Variants in RIF1 observed in about 807,000 individuals in gnomAD.
The protein encoded by RIF1 is telomere-associated protein RIF1.
Under a neutral mutation model 247.1 loss-of-function variants are expected in RIF1, and 45 were observed. The observed-to-expected ratio is 0.18, with a 90% CI of 0.14 to 0.23. RIF1 has a LOEUF of 0.23. RIF1 is among the 10% of genes least tolerant of loss of function. The pLI is 1.00. For synonymous variants in RIF1, 1,087 were observed against 978.8 expected (o/e 1.11, Z -2.06); for missense variants, 2,967 against 2,862.5 (o/e 1.04, Z -0.83).
At chr2:151,497,944 G>GTTATT (rs2061421650) in intron 10 of RIF1, 2 of 1,444,072 alleles carry the variant, frequency 1.4e-6, no homozygotes, top group African/African-American at 1.4e-5. Context: ...AGTTATCCAT[G>GTTATT]TTATTTTTTT....
chr2:151,432,109 A>G (rs1690261458), intron 9 of RIF1, among the ~76,000 whole-genome samples: 1 of 152,036 alleles, frequency 6.6e-6, no homozygotes, highest in Non-Finnish European at 1.5e-5. Context: ...CCTGGGTCCA[A>G]GCGAGTCTCC....
At position 151,468,680 on chromosome 2, in the gene RIF1, G is replaced by C. The variant is rs1351331382; in HGVS notation, c.6865G>C (p.Glu2289Gln). The C allele has an allele frequency of 1.2e-6, 2 of 1,613,936 alleles. No individual in the cohort carries two copies. The highest frequency in any genetic ancestry group is 1.7e-6 in the Non-Finnish European group (2 of 1,179,936). Residue 2289 changes from glutamate to glutamine, a missense_variant, in exon 33 of 36, where the codon GAA (glutamate) becomes CAA (glutamine). Physicochemically the swap from Glu to Gln is conservative, Grantham distance 29 (BLOSUM62 2). Around this residue, in one of 7 missense-constraint regions of RIF1, gnomAD observed 2,028 missense variants for 1,825.6 expected, o/e 1.11. Coordinates refer to ENST00000444746, the MANE Select transcript of RIF1 (RefSeq NM_018151.5). ...MAKESIPCPT[E>Q]SVYPPLVNCV... Reference sequence around the variant, plus strand: ...CAAAGAATCCATACCATGCCCAACAGAAAGTGTTTACCCACCATTGGTGAA... The same window carrying C: ...CAAAGAATCCATACCATGCCCAACACAAAGTGTTTACCCACCATTGGTGAA...
chr2:151,426,219 G>A (rs1689075090), intron 8 of RIF1, among the ~76,000 whole-genome samples: 1 of 115,490 alleles, frequency 8.7e-6, no homozygotes, highest in East Asian at 2.8e-4. Flanking sequence ...GTGTCGCCCA[G>A]GCTGGAGTGC....
intron 18 of RIF1, 115 bp from the exon 19 acceptor site, chr2:151,445,223 G>A (rs1693043971): frequency 1.5e-6 from 1 of 684,476 alleles, no homozygotes; most frequent in African/African-American, 1.8e-5. Flanking sequence ...AACTTATTTT[G>A]AATCTCATCA....
rs751681465 is a variant in RIF1 at position 151,464,448 on chromosome 2, CTGA to C, written c.4933_4935del (p.Asp1645del). On this transcript the variant is annotated inframe_deletion, in exon 30 of 36. Coordinates refer to ENST00000444746, the MANE Select transcript of RIF1 (RefSeq NM_018151.5). ...GTAACTTCAGATTTGTTGCAAGTTC[CTGA>C]TGATTTACCAAATGTGTGTGAGGAA... The C allele has an allele frequency of 3.1e-6, 5 of 1,613,602 alleles. No homozygotes were observed. The highest frequency in any genetic ancestry group is 1.1e-5 in the South Asian group (1 of 90,876).
At position 151,477,262 on chromosome 2, in the gene RIF1, T is replaced by A. The variant is rs1185696727; in HGVS notation, c.*2191T>A. On this transcript the variant is annotated 3_prime_UTR_variant, in exon 36 of 36. Coordinates refer to ENST00000444746, the MANE Select transcript of RIF1 (RefSeq NM_018151.5). ...TAATATTCCATGATTAGCTCTACTG[T>A]GTTGTCTCACTATTAAAATGGAATT... The A allele has an allele frequency of 6.6e-6, 1 of 152,232 alleles. No homozygotes were observed. Among genetic ancestry groups the A allele is most frequent in the African/African-American group, 2.4e-5 (1 of 41,472 alleles). The allele number at this position is 152,232 out of a possible 1,614,324, so 9.4% of individuals were successfully genotyped here.
At chr2:151,411,429 T>C (rs1276415015) in intron 3 of RIF1, 91 bp downstream of exon 3, 1 of 809,614 alleles carries the variant, frequency 1.2e-6, no homozygotes, top group Non-Finnish European at 2.0e-6. Context: ...GTAGTTTTGC[T>C]CTTGTTGCCC....
chr2:151,437,056 A>C, intron 12 of RIF1, 53 bp downstream of exon 12: 2 of 1,472,052 alleles, frequency 1.4e-6, no homozygotes, highest in Admixed American at 4.0e-5. Context: ...CTAGGACTTA[A>C]TGCATTGGGG....
chr2:151,509,652 G>A (rs1051577753), downstream of RIF1, among the ~76,000 whole-genome samples: 2 of 151,984 alleles, frequency 1.3e-5, no homozygotes, highest in African/African-American at 4.8e-5. Context: ...TTTTTGAGGC[G>A]GAGTTTCGCA....
intron 3 of RIF1, among the ~76,000 whole-genome samples, 198 bp from the exon 4 acceptor site, chr2:151,414,623 CCT>C (rs1317755008): frequency 5.3e-5 from 8 of 152,140 alleles, no homozygotes; most frequent in African/African-American, 1.7e-4. Context: ...GATCCAGTTT[CCT>C]CTCCTTTCTT....
intron 20 of RIF1, among the ~76,000 whole-genome samples, chr2:151,446,945 C>CTTT (rs71403169): frequency 8.7e-5 from 12 of 137,650 alleles, no homozygotes; most frequent in African/African-American, 1.4e-4. Context: ...TTTTCTCTTT[C>CTTT]TTTTTTTTTT....
At position 151,500,467 on chromosome 2, in the gene RIF1, A is replaced by G. The variant is rs373946062; in HGVS notation, c.*709+927A>G. On this transcript the variant is annotated intron_variant and NMD_transcript_variant, in intron 11 of 13. Coordinates refer to the RIF1 transcript ENST00000454583. ...TTAGAGTTTTTCAGCAACAATATTA[A>G]TAAAAGATAACATTAAATATAAGCT... Among the ~76,000 whole-genome samples the G allele has an allele frequency of 1.4e-4, 21 of 152,256 alleles. No homozygotes were observed. The East Asian group carries it at 2.7e-3, about 20-fold the overall frequency.
the RIF1 span, among the ~76,000 whole-genome samples, chr2:151,528,571 C>T: frequency 6.6e-6 from 1 of 152,210 alleles, no homozygotes; most frequent in African/African-American, 2.4e-5. Context: ...CCAGCTCCTA[C>T]AGGGATTCCA....
Position 151,410,500 on chromosome 2 carries a change from A to G in RIF1, c.77A>G (p.Gln26Arg). The G allele has an allele frequency of 6.2e-7, 1 of 1,614,000 alleles. No individual in the cohort carries two copies. Among genetic ancestry groups the G allele is most frequent in the Non-Finnish European group, 8.5e-7 (1 of 1,179,978 alleles). The change falls in exon 2 of 36, where the codon CAG becomes CGG. Residue 26 changes from glutamine (Q) to arginine (R), a missense_variant. Physicochemically the swap from Gln to Arg is conservative, Grantham distance 43. Coordinates refer to ENST00000444746, the MANE Select transcript of RIF1 (RefSeq NM_018151.5). Reference protein sequence around the residue: ...LEDPSASHGGQTDAYLTLTSR... With the variant: ...LEDPSASHGGRTDAYLTLTSR... ...GACCCTTCTGCCTCCCATGGAGGGC[A>G]GACTGACGCTTACCTGACTCTGACC... is the stretch of plus-strand genomic sequence containing the variant.
At chr2:151,488,910 A>G (rs996603962) in intron 9 of RIF1, among the ~76,000 whole-genome samples, 1 of 152,134 alleles carries the variant, frequency 6.6e-6, no homozygotes. Flanking sequence ...TTTTGTATCT[A>G]TTGCCATGCT....
chr2:151,430,528 G>A (rs1356108438), intron 9 of RIF1, among the ~76,000 whole-genome samples: 3 of 151,990 alleles, frequency 2.0e-5, no homozygotes, highest in Non-Finnish European at 4.4e-5. Context: ...CACCATACTG[G>A]CCAGGCTGGT....
Position 151,468,562 on chromosome 2 carries a change from C to G in RIF1, c.6825+11C>G. Reference sequence around the variant, plus strand: ...TCAAAGAAGTGTTTAGTAAGAAGTGCTTTAGTTTTCATGTCACTTTATATT... The same window carrying G: ...TCAAAGAAGTGTTTAGTAAGAAGTGGTTTAGTTTTCATGTCACTTTATATT... On this transcript the variant is annotated intron_variant, in intron 32 of 35. Coordinates refer to ENST00000444746, the MANE Select transcript of RIF1 (RefSeq NM_018151.5). 6.2e-7 allele frequency: 1 copy of G among 1,608,454 alleles called. No homozygotes were observed. The highest frequency in any genetic ancestry group is 1.7e-5 in the Admixed American group (1 of 60,002).
chr2:151,426,897 T>G (rs1053037538), intron 8 of RIF1, among the ~76,000 whole-genome samples: 27 of 152,136 alleles, frequency 1.8e-4, no homozygotes, highest in African/African-American at 6.3e-4. Context: ...TCCATCTGCC[T>G]CGGCCTCCCA....
At chr2:151,524,654 C>CTTTTTTTTTTTTTTTTTT in the RIF1 span, 2 of 208,488 alleles carry the variant, frequency 9.6e-6, 1 homozygote, top group African/African-American at 1.6e-4. Context: ...AAGAGAGAGG[C>CTTTTTTTTTTTTTTTTTT]TTTTTTTTTT....
Sources: allele counts gnomAD v4.1 joint callset (sites outside exome capture counted in the v4.1 genomes callset), GRCh38; gene constraint gnomAD v4.1.1; regional missense constraint gnomAD v4.1.1; transcripts MANE v1.5; gene names NCBI Gene and HGNC (gene_info 2026-07-23, HGNC 2026-07-21).